Variants in TPTE observed in about 807,000 individuals in gnomAD.
TPTE encodes putative tyrosine-protein phosphatase TPTE.
A neutral mutation model predicts 84.1 loss-of-function variants in TPTE; 59 were observed. That is an observed-to-expected ratio of 0.70 (90% confidence interval 0.57 to 0.87). TPTE has a LOEUF of 0.87. TPTE is among the 40% of genes least tolerant of loss of function. The probability of loss-of-function intolerance (pLI) is 0.00; values close to 1 mark genes in which losing one functional copy is unlikely to be tolerated. For synonymous variants in TPTE, 130 were observed against 223.5 expected, an observed-to-expected ratio of 0.58 and a Z score of 3.73; for missense variants, 382 against 659.6, an observed-to-expected ratio of 0.58 and a Z score of 4.61.
At chr21:10,604,837 T>A (rs1475998421) in intron 23 of TPTE, among the ~76,000 whole-genome samples, 114 of 152,256 alleles carry the variant, frequency 7.5e-4, no homozygotes, top group Non-Finnish European at 1.6e-4. Context: ...AAGATTTCTG[T>A]AACATTTAAA....
chr21:10,572,134 G>A (rs2075056294), intron 14 of TPTE, among the ~76,000 whole-genome samples: 1 of 152,308 alleles, frequency 6.6e-6, no homozygotes, highest in African/African-American at 2.4e-5. Flanking sequence ...GTGCATAGTA[G>A]TCAAACTGTC....
chr21:10,583,426 A>G (rs1195319956), intron 17 of TPTE, among the ~76,000 whole-genome samples: 1 of 152,304 alleles, frequency 6.6e-6, no homozygotes, highest in Non-Finnish European at 1.5e-5. Context: ...CTCCTGGATT[A>G]TTCATCTTTT....
chr21:10,586,947 A>C (rs1393385296), intron 17 of TPTE, among the ~76,000 whole-genome samples: 2 of 152,424 alleles, frequency 1.3e-5, no homozygotes, highest in Admixed American at 1.3e-4. Flanking sequence ...TATATCATTA[A>C]TATGATGTTC....
At chr21:10,545,904 A>G (rs1231775682) in intron 7 of TPTE, among the ~76,000 whole-genome samples, 20 of 151,944 alleles carry the variant, frequency 1.3e-4, no homozygotes, top group African/African-American at 4.6e-4. Context: ...CCTTTAATAT[A>G]TATATGAGCA....
At chr21:10,587,185 C>CA (rs2075381961) in intron 17 of TPTE, among the ~76,000 whole-genome samples, 1 of 152,294 alleles carries the variant, frequency 6.6e-6, no homozygotes, top group African/African-American at 2.4e-5. Context: ...TTTTAATAGG[C>CA]AAAAGACTTT....
chr21:10,575,906 A>T (rs2075140289), intron 14 of TPTE, among the ~76,000 whole-genome samples: 1 of 152,308 alleles, frequency 6.6e-6, no homozygotes, highest in Admixed American at 6.5e-5. Context: ...TGCCAGTCAG[A>T]ATGGCTACTA....
At chr21:10,591,896 C>T (rs2145776160) in intron 18 of TPTE, among the ~76,000 whole-genome samples, 1 of 152,428 alleles carries the variant, frequency 6.6e-6, no homozygotes, top group Admixed American at 6.5e-5. Flanking sequence ...GCACGGGTGG[C>T]TCACGCCTGT....
intron 8 of TPTE, among the ~76,000 whole-genome samples, chr21:10,559,061 G>A (rs1288212936): frequency 3.3e-5 from 5 of 152,304 alleles, no homozygotes; most frequent in Admixed American, 6.5e-5. Flanking sequence ...TACTCCCTAT[G>A]CTCATTCCTG....
chr21:10,560,631 C>A (rs1468412318), intron 9 of TPTE, among the ~76,000 whole-genome samples: 2 of 152,302 alleles, frequency 1.3e-5, no homozygotes, highest in African/African-American at 4.8e-5. Context: ...TTAATAAATT[C>A]TTTAGAATTA....
intron 11 of TPTE, among the ~76,000 whole-genome samples, chr21:10,568,589 G>A (rs112741446): frequency 0.028 from 3,983 of 140,722 alleles, no homozygotes; most frequent in South Asian, 0.068. Flanking sequence ...TAGCTTCCCT[G>A]GACTACAGCT....
intron 2 of TPTE, among the ~76,000 whole-genome samples, chr21:10,526,766 G>A (rs1475641651): frequency 1.3e-5 from 2 of 152,304 alleles, no homozygotes; most frequent in African/African-American, 4.8e-5. Flanking sequence ...ACCAATATTG[G>A]CAAAATGCTG....
At chr21:10,529,475 A>G (rs1352403105) in intron 3 of TPTE, among the ~76,000 whole-genome samples, 2 of 152,428 alleles carry the variant, frequency 1.3e-5, no homozygotes, top group East Asian at 3.8e-4. Flanking sequence ...ATGTCTGTTC[A>G]CTCTAAAATC....
intron 3 of TPTE, among the ~76,000 whole-genome samples, chr21:10,532,027 C>G (rs1410801289): frequency 9.2e-5 from 14 of 152,428 alleles, no homozygotes; most frequent in Admixed American, 7.8e-4. Context: ...CATCCCTACA[C>G]CTTTTTTTAT....
intron 3 of TPTE, among the ~76,000 whole-genome samples, chr21:10,533,836 A>C (rs1370084916): frequency 6.6e-6 from 1 of 152,428 alleles, no homozygotes; most frequent in African/African-American, 2.4e-5. Flanking sequence ...TAATAGTGCA[A>C]GAATGATTCG....
At chr21:10,564,355 C>T (rs1285575470) in intron 10 of TPTE, among the ~76,000 whole-genome samples, 3 of 152,286 alleles carry the variant, frequency 2.0e-5, no homozygotes, top group African/African-American at 7.2e-5. Context: ...ACTAAAAATA[C>T]AAAAATTAGC....
Position 10,569,735 on chromosome 21 carries a change from CT to C in TPTE, c.721del (p.Tyr241ThrfsTer31). 1 of 1,614,026 alleles carries C rather than the reference CT, an allele frequency of 6.2e-7. No homozygotes were observed. Among genetic ancestry groups the C allele is most frequent in the Non-Finnish European group, 8.5e-7 (1 of 1,179,858 alleles). On this transcript the variant is annotated frameshift_variant, in exon 13 of 24. Transcript: ENST00000618007. LOFTEE classifies it high-confidence loss of function. The part of the protein sequence containing the change: ...YTRDGFDLDL[T>X]YVTERIIAMS... ...AGGGATGGATTTGACCTAGACCTCA[CT>C]TACGTTACAGGTTTGTGACACTTAA... is the stretch of plus-strand genomic sequence containing the variant.
At chr21:10,529,225 T>C (rs1278222842) in intron 3 of TPTE, among the ~76,000 whole-genome samples, 1 of 152,276 alleles carries the variant, frequency 6.6e-6, no homozygotes, top group Admixed American at 6.5e-5. Context: ...AGATTATCTG[T>C]TCACCACTTG....
At chr21:10,576,940 A>G (rs2075166840) in intron 14 of TPTE, among the ~76,000 whole-genome samples, 2 of 151,840 alleles carry the variant, frequency 1.3e-5, no homozygotes, top group Admixed American at 6.5e-5. Context: ...CAAATGAGCC[A>G]AAAAAGTCTC....
intron 18 of TPTE, among the ~76,000 whole-genome samples, chr21:10,591,675 T>G (rs369814882): frequency 0.025 from 3,624 of 146,878 alleles, no homozygotes; most frequent in African/African-American, 0.094. Context: ...GGCCTGTGCT[T>G]CTTCTAACTG....
Sources: gnomAD v4.1 joint callset for allele counts (sites outside exome capture counted in the v4.1 genomes callset) on GRCh38, gnomAD v4.1.1 for gene constraint, MANE v1.5 for transcripts, NCBI Gene and HGNC (gene_info 2026-07-23, HGNC 2026-07-21) for gene names.